ANK2: variants seen among roughly 807,000 people sequenced by gnomAD.
ANK2 encodes the protein ankyrin 2.
A neutral mutation model predicts 360.5 loss-of-function variants in ANK2; 83 were observed. That is an observed-to-expected ratio of 0.23 (90% CI 0.19 to 0.28). The LOEUF (loss-of-function observed/expected upper bound fraction) is 0.28. Among genes scored for constraint, ANK2 ranks in the 10% least tolerant of loss-of-function variants. The pLI is 1.00. For synonymous variants in ANK2, 1,740 were observed against 1,759.5 expected (o/e 0.99, Z 0.28); for missense variants, 4,201 against 4,795.7 (o/e 0.88, Z 3.66).
In ANK2 at chr4:113,339,239, T is replaced by G. The variant is rs1217574101; in HGVS notation, c.3810T>G (p.Pro1270=). 6.2e-7 allele frequency: 1 copy of G among 1,613,734 alleles called. No individual in the cohort carries two copies. ...LLCSITGGTT[P]AQWEDITGTT... ...ATATTATTTCAGGTGGAACCACCCC[T>G]GCCCAGTGGGAAGATATTACAGGAA... Residue 1270 remains proline (P), a synonymous_variant, in exon 32 of 46, where the codon CCT becomes CCG. Coordinates refer to ENST00000357077, the MANE Select transcript of ANK2 (RefSeq NM_001148.6).
the ANK2 span, among the ~76,000 whole-genome samples, chr4:112,751,791 T>C: frequency 2.0e-5 from 3 of 152,128 alleles, no homozygotes; most frequent in Admixed American, 2.0e-4. Context: ...CCAAAGGAGG[T>C]GTTAAGGACT....
intron 42 of ANK2, among the ~76,000 whole-genome samples, chr4:113,368,292 G>T (rs550539579): frequency 8.5e-5 from 13 of 152,304 alleles, no homozygotes; most frequent in African/African-American, 3.1e-4. Flanking sequence ...GCACTTCATC[G>T]TGCCATTGCT....
intron 1 of ANK2, among the ~76,000 whole-genome samples, chr4:113,161,885 G>A (rs76711917): frequency 0.012 from 1,802 of 152,296 alleles, 22 homozygotes; most frequent in African/African-American, 0.041. Context: ...GAAATGGGAA[G>A]GAGTGAAGCG....
At chr4:113,340,728 AAC>A (rs1175103056) in intron 32 of ANK2, among the ~76,000 whole-genome samples, 1 of 100,404 alleles carries the variant, frequency 1.0e-5, no homozygotes, top group Non-Finnish European at 1.8e-5. Flanking sequence ...ACAAACAAAA[AAC>A]AAACAAACAA....
At chr4:113,264,506 T>C (rs1051660521) in intron 13 of ANK2, among the ~76,000 whole-genome samples, 4 of 152,150 alleles carry the variant, frequency 2.6e-5, no homozygotes, top group Non-Finnish European at 5.9e-5. Flanking sequence ...TAGTTTTTCA[T>C]GGACTTGAAA....
the ANK2 span, among the ~76,000 whole-genome samples, chr4:112,803,583 G>A: frequency 1.3e-5 from 2 of 152,116 alleles, no homozygotes; most frequent in Non-Finnish European, 1.5e-5. Context: ...CAATCCTGTC[G>A]ACATCTTGAT....
At chr4:112,725,127 A>C in the ANK2 span, among the ~76,000 whole-genome samples, 6 of 151,632 alleles carry the variant, frequency 4.0e-5, no homozygotes, top group African/African-American at 1.5e-4. Flanking sequence ...TAAAATACAA[A>C]AAAAATTAGT....
At chr4:113,085,595 C>T (rs2084304467) in intron 1 of ANK2, among the ~76,000 whole-genome samples, 1 of 152,238 alleles carries the variant, frequency 6.6e-6, no homozygotes, top group South Asian at 2.1e-4. Context: ...ACGTGAGCCA[C>T]CGCGCCCGGC....
chr4:112,831,099 G>C (rs2059616820), intron 1 of ANK2, among the ~76,000 whole-genome samples: 1 of 152,206 alleles, frequency 6.6e-6, no homozygotes, highest in Non-Finnish European at 1.5e-5. Context: ...CCCCCTCCAT[G>C]GGCTCCCGCG....
intron 1 of ANK2, among the ~76,000 whole-genome samples, chr4:112,863,056 G>A (rs1166802883): frequency 6.6e-6 from 1 of 152,122 alleles, no homozygotes; most frequent in Non-Finnish European, 1.5e-5. Flanking sequence ...TTTATTCTAA[G>A]CTATGCTTAT....
At chr4:113,051,568 T>C (rs958709603) in intron 1 of ANK2, among the ~76,000 whole-genome samples, 2 of 152,192 alleles carry the variant, frequency 1.3e-5, no homozygotes, top group Non-Finnish European at 2.9e-5. Flanking sequence ...GCACCATGAA[T>C]ATTGAGTGTT....
chr4:113,325,794 C>T (rs375116016), intron 26 of ANK2, among the ~76,000 whole-genome samples: 1 of 152,100 alleles, frequency 6.6e-6, no homozygotes, highest in South Asian at 2.1e-4. Context: ...TATTGAATTC[C>T]GTATGCTTTA....
At chr4:113,246,589 G>A (rs773444654) in intron 9 of ANK2, among the ~76,000 whole-genome samples, 4 of 151,702 alleles carry the variant, frequency 2.6e-5, no homozygotes, top group Non-Finnish European at 4.4e-5. Context: ...TGGTGATACC[G>A]CATATTAGGA....
intron 4 of ANK2, among the ~76,000 whole-genome samples, chr4:113,217,586 A>C: frequency 6.6e-6 from 1 of 152,122 alleles, no homozygotes. Flanking sequence ...AGATTCTCAT[A>C]AGGGGTGCGC....
intron 1 of ANK2, among the ~76,000 whole-genome samples, chr4:112,832,295 C>A (rs149328204): frequency 6.6e-6 from 1 of 152,138 alleles, no homozygotes; most frequent in Non-Finnish European, 1.5e-5. Context: ...TCAAGTGATC[C>A]GCCTCCCTTG....
At chr4:113,321,136 A>C (rs2085999667) in intron 26 of ANK2, among the ~76,000 whole-genome samples, 1 of 152,228 alleles carries the variant, frequency 6.6e-6, no homozygotes, top group Non-Finnish European at 1.5e-5. Flanking sequence ...GTTATATAAA[A>C]ATCTCTGAGT....
chr4:113,373,726 C>G, intron 45 of ANK2: 1 of 575,888 alleles, frequency 1.7e-6, no homozygotes, highest in Non-Finnish European at 3.2e-6. Context: ...TGCAGAAATC[C>G]AAAAGTCAAA....
intron 2 of ANK2, among the ~76,000 whole-genome samples, chr4:113,035,838 A>G (rs938869628): frequency 6.6e-6 from 1 of 151,946 alleles, no homozygotes; most frequent in African/African-American, 2.4e-5. Context: ...AATGTTTTAT[A>G]CTGGATATGA....
At chr4:112,807,120 T>C in the ANK2 span, among the ~76,000 whole-genome samples, 2 of 152,228 alleles carry the variant, frequency 1.3e-5, no homozygotes, top group Admixed American at 1.3e-4. Context: ...TGCATCCTCA[T>C]GTCCTGCTGC....
Sources: allele counts gnomAD v4.1 joint callset (sites outside exome capture counted in the v4.1 genomes callset), GRCh38; gene constraint gnomAD v4.1.1; transcripts MANE v1.5; gene names NCBI Gene and HGNC (gene_info 2026-07-23, HGNC 2026-07-21).